MCM5: variants seen among roughly 807,000 people sequenced by gnomAD.
MCM5 encodes minichromosome maintenance complex component 5, also known as DNA replication licensing factor MCM5.
In MCM5, 46 loss-of-function variants were observed where a neutral mutation model predicts 79.9. That is an observed-to-expected ratio of 0.58 (90% CI 0.45 to 0.74). MCM5 has a LOEUF of 0.74. MCM5 is among the 30% of genes least tolerant of loss of function. MCM5 has a pLI of 0.00. For synonymous variants in MCM5, 404 were observed against 390.5 expected (o/e 1.03, Z -0.41); for missense variants, 883 against 1,017.0 (o/e 0.87, Z 1.79).
downstream of MCM5, among the ~76,000 whole-genome samples, chr22:35,428,926 G>A (rs1031287240): frequency 6.6e-6 from 1 of 150,850 alleles, no homozygotes; most frequent in Non-Finnish European, 1.5e-5. Context: ...CCAAGTAGCT[G>A]GGACTACAGG....
At chr22:35,440,095 C>T in the MCM5 span, among the ~76,000 whole-genome samples, 1 of 152,246 alleles carries the variant, frequency 6.6e-6, no homozygotes, top group African/African-American at 2.4e-5. Context: ...CATTTTTACA[C>T]ACTTGTAATC....
In MCM5 at chr22:35,410,841, A is replaced by G. The variant is rs1013127065; in HGVS notation, c.850A>G (p.Arg284Gly). The G allele has an allele frequency of 1.2e-6, 2 of 1,613,604 alleles. No individual in the cohort carries two copies. Among genetic ancestry groups the G allele is most frequent in the African/African-American group, 2.7e-5 (2 of 74,898 alleles). The change falls in exon 7 of 17, where the codon AGG becomes GGG. Residue 284 changes from arginine (R) to glycine (G), a missense_variant. By Grantham distance (125) the Arg-to-Gly change is moderately radical (BLOSUM62 -2). Around this residue, in one of 3 missense-constraint regions of MCM5, gnomAD observed 455 missense variants for 517.5 expected, o/e 0.88. Coordinates refer to ENST00000216122, the MANE Select transcript of MCM5 (RefSeq NM_006739.4). ...FGLTTSRGRDRVGVGIRSSYI... is the reference protein window; with the variant it reads ...FGLTTSRGRDGVGVGIRSSYI... ...CCTGACTACCAGCAGGGGCCGTGACAGGGTGGGCGTGGGCATCCGAAGCTC... is the reference window on the plus strand; with the variant it reads ...CCTGACTACCAGCAGGGGCCGTGACGGGGTGGGCGTGGGCATCCGAAGCTC...
chr22:35,428,832 C>G (rs1932793895), downstream of MCM5, among the ~76,000 whole-genome samples: 1 of 151,912 alleles, frequency 6.6e-6, no homozygotes, highest in South Asian at 2.1e-4. Context: ...CTGGAATCCT[C>G]CAGCTCTGGT....
the MCM5 span, among the ~76,000 whole-genome samples, chr22:35,441,500 T>C: frequency 1.8e-4 from 28 of 152,236 alleles, no homozygotes; most frequent in East Asian, 3.9e-3. Context: ...CACAGCCCCA[T>C]AGAGTAGGTG....
At chr22:35,433,535 G>C in the MCM5 span, among the ~76,000 whole-genome samples, 2 of 152,144 alleles carry the variant, frequency 1.3e-5, no homozygotes, top group African/African-American at 2.4e-5. Flanking sequence ...GGGGACCTTG[G>C]GGGGGTCTCT....
At chr22:35,401,901 T>C in intron 2 of MCM5, 1 of 360,964 alleles carries the variant, frequency 2.8e-6, no homozygotes, top group Non-Finnish European at 5.5e-6. Context: ...TAGAAAGCTT[T>C]CTGTCTAGGT....
In MCM5 at chr22:35,410,723, TCTC is replaced by T. The variant is rs1212093037; in HGVS notation, c.753-17_753-15del. The T allele has an allele frequency of 1.2e-6, 2 of 1,612,364 alleles. No homozygotes were observed. Among genetic ancestry groups the T allele is most frequent in the African/African-American group, 2.7e-5 (2 of 74,848 alleles). ...AGTCAGAATCTCAGCTTTTCTCCTT[TCTC>T]CTCTACCCTCCTCTCAGGTACCTGT... On this transcript the variant is annotated intron_variant, in intron 6 of 16. Coordinates refer to ENST00000216122, the MANE Select transcript of MCM5 (RefSeq NM_006739.4).
intron 4 of MCM5, among the ~76,000 whole-genome samples, chr22:35,406,296 A>ACCC (rs758388958): frequency 0.19 from 21,362 of 114,910 alleles, 2,731 homozygotes; most frequent in Non-Finnish European, 0.23. Flanking sequence ...TTGCCCTGCC[A>ACCC]CCTCCCCCCC....
chr22:35,436,796 A>G, the MCM5 span, among the ~76,000 whole-genome samples: 1 of 150,462 alleles, frequency 6.6e-6, no homozygotes, highest in African/African-American at 2.4e-5. Context: ...CGACCTTCAC[A>G]AACAAATGAG....
the MCM5 span, among the ~76,000 whole-genome samples, chr22:35,447,541 T>C: frequency 3.3e-5 from 5 of 152,154 alleles, no homozygotes; most frequent in South Asian, 4.1e-4. Context: ...GGCACGATCT[T>C]GGCTCACTGC....
At chr22:35,407,990 A>G (rs1932267503) in intron 5 of MCM5, among the ~76,000 whole-genome samples, 1 of 152,130 alleles carries the variant, frequency 6.6e-6, no homozygotes, top group African/African-American at 2.4e-5. Flanking sequence ...TTACCTAGGG[A>G]TACGTAGAGG....
the MCM5 span, among the ~76,000 whole-genome samples, chr22:35,453,566 C>T: frequency 6.6e-6 from 1 of 150,500 alleles, no homozygotes; most frequent in Non-Finnish European, 1.5e-5. Context: ...GAGAGAATGA[C>T]AGAGTGAATC....
intron 4 of MCM5, 25 bp from the exon 5 acceptor site, chr22:35,406,528 A>C: frequency 6.2e-7 from 1 of 1,601,470 alleles, no homozygotes; most frequent in Non-Finnish European, 8.5e-7. Flanking sequence ...CTTAACCAAC[A>C]AGCTTCCCGA....
chr22:35,452,693 T>C, the MCM5 span, among the ~76,000 whole-genome samples: 2 of 152,128 alleles, frequency 1.3e-5, no homozygotes, highest in Non-Finnish European at 1.5e-5. Context: ...GTTAGCCCTG[T>C]GTGTGAGTTT....
In MCM5 at chr22:35,419,928, A is replaced by G; in HGVS notation, c.1748A>G (p.Lys583Arg). ...RLSAEAAEKL[K>R]NRYIIMRSGA... ...TCAGCAGAGGCTGCAGAGAAACTGA[A>G]GAACCGCTACATCATCATGCGGAGC... Residue 583 changes from lysine (K) to arginine (R), a missense_variant, in exon 14 of 17, where the codon AAG becomes AGG. This residue lies in a region of MCM5 where 426 missense variants were observed against 482.3 expected (regional missense o/e 0.88). Transcript: ENST00000216122. The G allele has an allele frequency of 6.2e-7, 1 of 1,613,458 alleles. No individual in the cohort carries two copies. The highest frequency in any genetic ancestry group is 8.5e-7 in the Non-Finnish European group (1 of 1,179,742).
At chr22:35,438,768 TACCC>T in the MCM5 span, among the ~76,000 whole-genome samples, 1 of 81,202 alleles carries the variant, frequency 1.2e-5, no homozygotes, top group African/African-American at 4.9e-5. Context: ...TTCATCCATC[TACCC>T]ACCCACATAT....
chr22:35,448,702 C>A, the MCM5 span, among the ~76,000 whole-genome samples: 1 of 152,156 alleles, frequency 6.6e-6, no homozygotes, highest in African/African-American at 2.4e-5. Flanking sequence ...CATCTATTAT[C>A]ATAATAATGC....
rs201705332 is a variant in MCM5, at chr22:35,423,193, C to T, written c.1976-21C>T. ...CCCATTGTCCCAGCTCCCCGGCTGC[C>T]TCACTTCTCCATGCCCACAGGGGTG... On this transcript the variant is annotated intron_variant, in intron 15 of 16. Transcript: ENST00000216122. 8.6e-5 allele frequency: 133 copies of T among 1,541,186 alleles called. No homozygotes were observed. In the East Asian group the frequency reaches 2.9e-3, roughly 34 times the overall value.
intron 15 of MCM5, 155 bp downstream of exon 15, chr22:35,421,615 TCTC>T (rs1455791051): frequency 1.5e-5 from 14 of 903,750 alleles, no homozygotes; most frequent in African/African-American, 8.2e-5. Context: ...ATAAGACCCC[TCTC>T]CTCCTTTCTC....
Sources: allele counts gnomAD v4.1 joint callset (sites outside exome capture counted in the v4.1 genomes callset), GRCh38; gene constraint gnomAD v4.1.1; regional missense constraint gnomAD v4.1.1; transcripts MANE v1.5; gene names NCBI Gene and HGNC (gene_info 2026-07-23, HGNC 2026-07-21).